Variants in ZNF432 observed in about 807,000 individuals in gnomAD.
ZNF432 encodes zinc finger protein 432.
ZNF432 carries 10 observed loss-of-function variants against 13.9 expected under a neutral mutation model. The ratio of observed to expected loss-of-function variants is 0.72; its 90% confidence interval spans 0.44 to 1.22. The LOEUF (loss-of-function observed/expected upper bound fraction) is 1.22. Ranked by LOEUF, ZNF432 falls within the 50% of genes most tolerant of loss-of-function variation. ZNF432 has a pLI of 0.00. For missense variants in ZNF432, 793 were observed against 796.2 expected (o/e 1.00, Z 0.05); for synonymous variants, 247 against 256.2 (o/e 0.96, Z 0.34).
chr19:52,042,839 T>G (rs921593265), intron 2 of ZNF432, among the ~76,000 whole-genome samples: 2 of 152,150 alleles, frequency 1.3e-5, no homozygotes, highest in East Asian at 3.9e-4. Flanking sequence ...CATATAACAT[T>G]ATGCAAACAA....
chr19:52,043,262 C>A (rs1048841275), intron 2 of ZNF432, among the ~76,000 whole-genome samples: 2 of 152,156 alleles, frequency 1.3e-5, no homozygotes, highest in African/African-American at 4.8e-5. Context: ...TATGACCTTA[C>A]CCCCAACCCC....
chr19:52,033,797 T>C lies in ZNF432; in HGVS notation c.1882A>G (p.Ser628Gly), dbSNP rs777799543. The C allele has an allele frequency of 6.2e-7, 1 of 1,612,526 alleles. No individual in the cohort carries two copies. Among genetic ancestry groups the C allele is most frequent in the Non-Finnish European group, 8.5e-7 (1 of 1,179,602 alleles). ...THTGEKPFVC[S>G]ECRKAFSSKR... The stretch of plus-strand genomic sequence containing the variant: ...GAGGAGAAGGCTTTTCTACATTCAC[T>C]GCATACAAAGGGTTTCTCTCCTGTA... Residue 628 changes from serine (S) to glycine (G), a missense_variant, in exon 5 of 5, where the codon AGT (serine) becomes GGT (glycine). Transcript: ENST00000221315.
chr19:52,039,468 G>A (rs979965501), intron 4 of ZNF432, among the ~76,000 whole-genome samples: 1 of 152,128 alleles, frequency 6.6e-6, no homozygotes, highest in Non-Finnish European at 1.5e-5. Context: ...AATGAAAGAA[G>A]CCGGACACAA....
intron 2 of ZNF432, among the ~76,000 whole-genome samples, chr19:52,046,007 C>CAAAAA (rs201110474): frequency 6.9e-5 from 6 of 87,058 alleles, no homozygotes; most frequent in East Asian, 6.2e-4. Context: ...AAACAAAAAC[C>CAAAAA]AAAAAAAAAA....
intron 2 of ZNF432, among the ~76,000 whole-genome samples, chr19:52,045,400 A>G (rs1600055635): frequency 8.3e-6 from 1 of 120,746 alleles, no homozygotes; most frequent in South Asian, 2.6e-4. Context: ...CTTGTTGCCC[A>G]GGCTGGAGTG....
chr19:52,041,744 T>G (rs1019087945), intron 2 of ZNF432, 138 bp from the exon 3 acceptor site: 2 of 1,031,120 alleles, frequency 1.9e-6, no homozygotes, highest in East Asian at 2.9e-5. Context: ...TTTTTAATAT[T>G]GCCAGAGAAT....
Position 52,033,529 on chromosome 19 carries a change from A to G in ZNF432, c.*191T>C, listed in dbSNP as rs75549691. 3,424 of 621,002 alleles carry G rather than the reference A, an allele frequency of 5.5e-3. 102 individuals carry two copies. The African/African-American group carries it at 0.056, about 10-fold the overall frequency. The allele number at this position is 621,002 out of a possible 1,614,324, so 38.5% of individuals were successfully genotyped here. A position where few individuals can be genotyped will look rare whatever the true frequency, so the allele number is the denominator to read the frequency against. Reference sequence around the variant, plus strand: ...GTAATTTTCTATACATTGGTACATCAAAGAATTCAGAGCCTGAATTCATGT... The same window carrying G: ...GTAATTTTCTATACATTGGTACATCGAAGAATTCAGAGCCTGAATTCATGT... On this transcript the variant is annotated 3_prime_UTR_variant, in exon 5 of 5. Transcript: ENST00000221315.
intron 1 of ZNF432, among the ~76,000 whole-genome samples, chr19:52,048,182 C>CACACACACACACACAAAA (rs1482172095): frequency 1.4e-5 from 2 of 146,216 alleles, no homozygotes; most frequent in African/African-American, 5.3e-5. Flanking sequence ...CACACACACA[C>CACACACACACACACAAAA]AAAACCAGCC....
chr19:52,047,964 C>A (rs1292068277), intron 1 of ZNF432, among the ~76,000 whole-genome samples: 1 of 151,926 alleles, frequency 6.6e-6, no homozygotes. Flanking sequence ...ATTCATCCGC[C>A]CCCCTTCACC....
chr19:52,040,573 G>A lies in ZNF432; in HGVS notation c.153C>T (p.Val51=), dbSNP rs367681111. ...ACTTGGAGAGTGCATCTGGTTTGCT[G>A]ACTTGATAACCTGTTTACGGGAAAT... is the stretch of plus-strand genomic sequence containing the variant. ...YSNLLSMGYQ[V]SKPDALSKLE... Residue 51 remains valine, a synonymous_variant, in exon 4 of 5, where the codon GTC becomes GTT. Coordinates refer to ENST00000221315, the MANE Select transcript of ZNF432 (RefSeq NM_014650.4). The A allele has an allele frequency of 2.4e-5, 38 of 1,613,886 alleles. No homozygotes were observed. In the African/African-American group the frequency reaches 4.0e-4, roughly 17 times the overall value.
rs1381595606 is a variant in ZNF432, at chr19:52,033,647, C to A, written c.*73G>T. On this transcript the variant is annotated 3_prime_UTR_variant, in exon 5 of 5. Coordinates refer to ENST00000221315, the MANE Select transcript of ZNF432 (RefSeq NM_014650.4). ...CATACTCAGTACACATGTAGAAAAT[C>A]TATACTGTGAAATCTCTGATGTTGT... 2.7e-6 allele frequency: 4 copies of A among 1,482,818 alleles called. No homozygotes were observed. The highest frequency in any genetic ancestry group is 2.7e-6 in the Non-Finnish European group (3 of 1,106,628). The allele number at this position is 1,482,818 out of a possible 1,614,324, so 91.9% of individuals were successfully genotyped here.
intron 2 of ZNF432, among the ~76,000 whole-genome samples, chr19:52,041,898 G>A (rs1477072327): frequency 1.3e-5 from 2 of 152,100 alleles, no homozygotes; most frequent in Non-Finnish European, 2.9e-5. Flanking sequence ...ATATGCTACT[G>A]ACATCTAGAT....
Position 52,034,097 on chromosome 19 carries a change from G to C in ZNF432, c.1582C>G (p.Leu528Val). 6.2e-7 allele frequency: 1 copy of C among 1,614,022 alleles called. No individual in the cohort carries two copies. Among genetic ancestry groups the C allele is most frequent in the East Asian group, 2.2e-5 (1 of 44,850 alleles). The change falls in exon 5 of 5, where the codon CTT becomes GTT. Residue 528 changes from leucine (L) to valine (V), a missense_variant. Leu to Val is a conservative substitution (Grantham distance 32, BLOSUM62 1). Transcript: ENST00000221315. ...CGKGFAFKSN[L>V]VVHQRTHTGE... ...GTATGAGTTCGCTGGTGTACAACAA[G>C]ATTGCTCTTAAAGGCAAAACCTTTT...
chr19:52,035,101 C>T lies in ZNF432; in HGVS notation c.578G>A (p.Ser193Asn). Reference protein sequence around the residue: ...TKANSTKSQVSKHQRTHEIEK... With the variant: ...TKANSTKSQVNKHQRTHEIEK... ...TATTTCATGAGTTCTCTGATGCTTA[C>T]TGACTTGGGATTTAGTGCTATTGGC... Residue 193 changes from serine to asparagine, a missense_variant, in exon 5 of 5, where the codon AGT becomes AAT. Transcript: ENST00000221315. 6.2e-7 allele frequency: 1 copy of T among 1,614,032 alleles called. No homozygotes were observed. The highest frequency in any genetic ancestry group is 8.5e-7 in the Non-Finnish European group (1 of 1,180,024).
intron 2 of ZNF432, among the ~76,000 whole-genome samples, chr19:52,043,578 T>C (rs887343399): frequency 3.3e-5 from 5 of 151,850 alleles, no homozygotes; most frequent in African/African-American, 7.3e-5. Flanking sequence ...GGAGGATTAG[T>C]ATAAGAGGAA....
intron 2 of ZNF432, 137 bp from the exon 3 acceptor site, chr19:52,041,743 T>C (rs2087138819): frequency 1.9e-6 from 2 of 1,040,054 alleles, no homozygotes; most frequent in Non-Finnish European, 1.3e-6. Context: ...TTTTTTAATA[T>C]TGCCAGAGAA....
Position 52,032,744 on chromosome 19 carries a change from C to G in ZNF432, c.*976G>C, listed in dbSNP as rs903492053. 2 of 152,176 alleles carry G rather than the reference C, an allele frequency of 1.3e-5. No individual in the cohort carries two copies. Among genetic ancestry groups the G allele is most frequent in the Non-Finnish European group, 2.9e-5 (2 of 68,038 alleles). 9.4% of individuals were successfully genotyped at this position (152,176 alleles called of 1,614,324 possible). A position where few individuals can be genotyped will look rare whatever the true frequency, so the allele number is the denominator to read the frequency against. ...AGCCACCATGCCCGGCATTATGTAT[C>G]ATTTTCATGAGACTTTTTTACTTCA... On this transcript the variant is annotated 3_prime_UTR_variant, in exon 5 of 5. Transcript: ENST00000221315.
At chr19:52,037,685 G>T (rs568598692) in intron 4 of ZNF432, among the ~76,000 whole-genome samples, 20 of 151,436 alleles carry the variant, frequency 1.3e-4, no homozygotes, top group African/African-American at 3.9e-4. Flanking sequence ...AGCTACTTGG[G>T]ATGTTGAGGT....
At chr19:52,036,419 G>A (rs2087081545) in intron 4 of ZNF432, among the ~76,000 whole-genome samples, 1 of 152,226 alleles carries the variant, frequency 6.6e-6, no homozygotes, top group South Asian at 2.1e-4. Flanking sequence ...TGAATTCAAT[G>A]GGGAGAGTGA....
Sources: gnomAD v4.1 joint callset for allele counts (sites outside exome capture counted in the v4.1 genomes callset) on GRCh38, gnomAD v4.1.1 for gene constraint, MANE v1.5 for transcripts, NCBI Gene and HGNC (gene_info 2026-07-23, HGNC 2026-07-21) for gene names.